HEMK2: variants seen among roughly 807,000 people sequenced by gnomAD.
The protein encoded by HEMK2 is methyltransferase HEMK2.
At chr21:28,581,657 T>A in the HEMK2 span, among the ~76,000 whole-genome samples, 1 of 152,200 alleles carries the variant, frequency 6.6e-6, no homozygotes, top group African/African-American at 2.4e-5. Flanking sequence ...GGAAAAGGCC[T>A]AGATCGTTCC....
At chr21:28,642,364 G>C in the HEMK2 span, among the ~76,000 whole-genome samples, 1 of 152,206 alleles carries the variant, frequency 6.6e-6, no homozygotes, top group East Asian at 1.9e-4. Context: ...TCATGGGAGG[G>C]AGCGTGCAAG....
At chr21:28,609,304 A>T in the HEMK2 span, among the ~76,000 whole-genome samples, 1 of 152,058 alleles carries the variant, frequency 6.6e-6, no homozygotes, top group Non-Finnish European at 1.5e-5. Flanking sequence ...AGAAACAACA[A>T]TCACTGCAGT....
At chr21:28,853,237 G>T in the HEMK2 span, among the ~76,000 whole-genome samples, 1 of 152,090 alleles carries the variant, frequency 6.6e-6, no homozygotes, top group African/African-American at 2.4e-5. Flanking sequence ...TTAAACCAAG[G>T]AAGATCAGGC....
the HEMK2 span, among the ~76,000 whole-genome samples, chr21:28,831,750 A>AGAAAGAAG: frequency 6.7e-6 from 1 of 148,970 alleles, no homozygotes; most frequent in Non-Finnish European, 1.5e-5. Flanking sequence ...AAAGAAAGAA[A>AGAAAGAAG]GAAAGAAAGA....
the HEMK2 span, among the ~76,000 whole-genome samples, chr21:28,840,403 G>A: frequency 2.0e-5 from 3 of 151,470 alleles, no homozygotes; most frequent in South Asian, 4.1e-4. Flanking sequence ...CATTGCAAAC[G>A]GAACAGTCAG....
the HEMK2 span, among the ~76,000 whole-genome samples, chr21:28,621,477 G>A: frequency 1.3e-5 from 2 of 152,102 alleles, no homozygotes; most frequent in African/African-American, 2.4e-5. Flanking sequence ...GCTGTTTCAC[G>A]CGTCCGTGTG....
At chr21:28,834,159 G>A in the HEMK2 span, among the ~76,000 whole-genome samples, 1 of 152,302 alleles carries the variant, frequency 6.6e-6, no homozygotes, top group East Asian at 1.9e-4. Context: ...TGGCAGATGG[G>A]AGGTAGGACT....
At chr21:28,849,545 T>C in the HEMK2 span, among the ~76,000 whole-genome samples, 1 of 152,082 alleles carries the variant, frequency 6.6e-6, no homozygotes, top group Non-Finnish European at 1.5e-5. Context: ...GACAGAAATA[T>C]AATTCAAAAT....
chr21:28,771,518 A>ACCCCCCCCCCCCCCCCCCCCCCCCCCCC, the HEMK2 span, among the ~76,000 whole-genome samples: 3 of 105,594 alleles, frequency 2.8e-5, no homozygotes, highest in Non-Finnish European at 4.0e-5. Context: ...AAGATGCACC[A>ACCCCCCCCCCCCCCCCCCCCCCCCCCCC]CCCCCCCCCG....
At chr21:28,854,463 T>C in the HEMK2 span, among the ~76,000 whole-genome samples, 2 of 151,842 alleles carry the variant, frequency 1.3e-5, no homozygotes, top group Non-Finnish European at 2.9e-5. Context: ...TCAGGTTCTC[T>C]AGAGGGACAG....
the HEMK2 span, among the ~76,000 whole-genome samples, chr21:28,695,974 T>TTA: frequency 3.3e-4 from 50 of 151,550 alleles, no homozygotes; most frequent in South Asian, 2.5e-3. Flanking sequence ...TCGGTAATTT[T>TTA]TATATATATA....
At chr21:28,819,492 T>C in the HEMK2 span, among the ~76,000 whole-genome samples, 1 of 151,592 alleles carries the variant, frequency 6.6e-6, no homozygotes, top group Non-Finnish European at 1.5e-5. Flanking sequence ...TTCTAGTTAG[T>C]GGAGGATTTA....
At chr21:28,882,281 C>T in the HEMK2 span, 1 of 1,539,854 alleles carries the variant, frequency 6.5e-7, no homozygotes, top group Non-Finnish European at 9.0e-7. Flanking sequence ...AAACTATATC[C>T]TATGTCCATA....
chr21:28,788,191 CGTATATACGT>C, the HEMK2 span, among the ~76,000 whole-genome samples: 3 of 110,988 alleles, frequency 2.7e-5, no homozygotes, highest in African/African-American at 1.7e-4. Flanking sequence ...CACATATATA[CGTATATACGT>C]ATATATACGT....
chr21:28,713,675 TA>T, the HEMK2 span, among the ~76,000 whole-genome samples: 1 of 152,302 alleles, frequency 6.6e-6, no homozygotes, highest in Non-Finnish European at 1.5e-5. Context: ...CAGGTCTCCC[TA>T]TTGGAAGTTT....
At chr21:28,681,218 A>T in the HEMK2 span, among the ~76,000 whole-genome samples, 1 of 152,220 alleles carries the variant, frequency 6.6e-6, no homozygotes, top group African/African-American at 2.4e-5. Flanking sequence ...AGGATACAAA[A>T]TCAGTGTGAA....
At chr21:28,821,195 G>C in the HEMK2 span, among the ~76,000 whole-genome samples, 9 of 151,830 alleles carry the variant, frequency 5.9e-5, no homozygotes, top group Admixed American at 2.6e-4. Context: ...ACCCGACCCC[G>C]GCCCCCTCCA....
the HEMK2 span, among the ~76,000 whole-genome samples, chr21:28,720,043 C>T: frequency 5.9e-5 from 9 of 152,286 alleles, 1 homozygote; most frequent in African/African-American, 1.2e-4. Flanking sequence ...TTGTGTGCTT[C>T]GGTTTGATGA....
chr21:28,762,669 C>T, the HEMK2 span, among the ~76,000 whole-genome samples: 2 of 151,994 alleles, frequency 1.3e-5, no homozygotes, highest in Non-Finnish European at 2.9e-5. Context: ...ATCACTGCAG[C>T]GGGTTTATTA....
Sources: gnomAD v4.1 joint callset for allele counts (sites outside exome capture counted in the v4.1 genomes callset) on GRCh38, gnomAD v4.1.1 for gene constraint, MANE v1.5 for transcripts, NCBI Gene and HGNC (gene_info 2026-07-23, HGNC 2026-07-21) for gene names.